ITSN2: variants seen among roughly 807,000 people sequenced by gnomAD.
ITSN2 encodes the protein intersectin 2, also known as intersectin-2.
Under a neutral mutation model 243.7 loss-of-function variants are expected in ITSN2, and 156 were observed. The observed-to-expected ratio is 0.64, with a 90% CI of 0.56 to 0.73. ITSN2 has a LOEUF of 0.73. Ranked by LOEUF, ITSN2 falls within the 30% of genes least tolerant of loss-of-function variation. The probability of loss-of-function intolerance (pLI) is 0.00; values close to 1 mark genes in which losing one functional copy is unlikely to be tolerated. For missense variants in ITSN2, 1,801 were observed against 1,996.1 expected (o/e 0.90, Z 1.86); for synonymous variants, 703 against 699.9 (o/e 1.00, Z -0.07).
intron 1 of ITSN2, among the ~76,000 whole-genome samples, chr2:24,357,354 T>C (rs1688538896): frequency 6.6e-6 from 1 of 152,288 alleles, no homozygotes. Flanking sequence ...GAAGCCATCA[T>C]CCTCAGCAAA....
At chr2:24,278,497 C>T (rs1006971182) in intron 17 of ITSN2, among the ~76,000 whole-genome samples, 2 of 152,098 alleles carry the variant, frequency 1.3e-5, no homozygotes, top group African/African-American at 2.4e-5. Flanking sequence ...CAAGTATTTC[C>T]TCTATTTGAC....
At chr2:24,350,444 C>T (rs999556437) in intron 1 of ITSN2, among the ~76,000 whole-genome samples, 6 of 152,062 alleles carry the variant, frequency 3.9e-5, no homozygotes, top group Admixed American at 2.0e-4. Context: ...ACATAGGTTA[C>T]CATGTTAAGT....
rs41281483 is a variant in ITSN2, at chr2:24,225,629, C to T, written c.3578-4563G>A. ...CTGCTGCCTGGCTCTCTGCTCCCCC[C>T]AGTCCAGCAAATGCCAAAATAGGCT... On this transcript the variant is annotated intron_variant, in intron 29 of 39. Coordinates refer to ENST00000355123, the MANE Select transcript of ITSN2 (RefSeq NM_006277.3). This position sits in a 1 kb window ranked among gnomAD's most constrained non-coding sequence, Gnocchi z 4.2. 0.026 allele frequency among the ~76,000 whole-genome samples: 3,897 copies of T among 152,234 alleles called. 91 individuals carry two copies. The highest frequency in any genetic ancestry group is 0.077 in the South Asian group (369 of 4,816).
At chr2:24,309,672 C>G (rs995685735) in intron 7 of ITSN2, among the ~76,000 whole-genome samples, 2 of 152,074 alleles carry the variant, frequency 1.3e-5, no homozygotes, top group African/African-American at 4.8e-5. Context: ...ATTTCTAATC[C>G]TCCCAACAAA....
At chr2:24,310,450 T>C in intron 6 of ITSN2, 39 bp downstream of exon 6, 2 of 1,609,178 alleles carry the variant, frequency 1.2e-6, no homozygotes, top group Non-Finnish European at 1.7e-6. Context: ...GTTTCTTTCT[T>C]TACATGAAAT....
At chr2:24,272,934 T>C (rs979850418) in intron 18 of ITSN2, among the ~76,000 whole-genome samples, 6 of 152,180 alleles carry the variant, frequency 3.9e-5, no homozygotes, top group Non-Finnish European at 8.8e-5. Flanking sequence ...CTCCTTTGCA[T>C]GTATTTTCAC....
chr2:24,293,580 G>A, intron 15 of ITSN2, 108 bp downstream of exon 15: 1 of 476,010 alleles, frequency 2.1e-6, no homozygotes, highest in Non-Finnish European at 3.8e-6. Context: ...CAGGCAAAAA[G>A]TGTTATTTAT....
At chr2:24,258,532 T>C (rs1675364645) in intron 22 of ITSN2, among the ~76,000 whole-genome samples, 2 of 152,192 alleles carry the variant, frequency 1.3e-5, no homozygotes, top group Middle Eastern at 3.2e-3. Context: ...CTTCCTCCTA[T>C]TCTATTCTAT....
chr2:24,257,976 A>G lies in ITSN2; in HGVS notation c.2800T>C (p.Trp934Arg). ...CCTCCATGCACCTCCCCAAACCACC[A>G]ATTTTCTTGCTGCTCCAAGACAGTA... ...IITVLEQQEN[W>R]WFGEVHGGRG... The change falls in exon 23 of 40, where the codon TGG (tryptophan) becomes CGG (arginine). Residue 934 changes from tryptophan (W) to arginine (R), a missense_variant. Coordinates refer to ENST00000355123, the MANE Select transcript of ITSN2 (RefSeq NM_006277.3). 1.2e-6 allele frequency: 2 copies of G among 1,614,010 alleles called. No homozygotes were observed. Among genetic ancestry groups the G allele is most frequent in the Non-Finnish European group, 1.7e-6 (2 of 1,179,982 alleles).
At chr2:24,308,891 G>A in intron 7 of ITSN2, 135 bp from the exon 8 acceptor site, 1 of 642,394 alleles carries the variant, frequency 1.6e-6, no homozygotes, top group Non-Finnish European at 2.8e-6. Context: ...TTAGGAACCG[G>A]GCTGGACAGC....
intron 32 of ITSN2, among the ~76,000 whole-genome samples, chr2:24,215,539 T>C (rs1669872364): frequency 6.6e-6 from 1 of 151,924 alleles, no homozygotes. Context: ...TGGTGGCACA[T>C]GCCTGTAATC....
chr2:24,269,851 G>C (rs1388166399), intron 20 of ITSN2, among the ~76,000 whole-genome samples: 1 of 152,200 alleles, frequency 6.6e-6, no homozygotes, highest in African/African-American at 2.4e-5. Flanking sequence ...AGGAGGAATG[G>C]TAGGAAGAGC....
intron 30 of ITSN2, chr2:24,220,546 T>C (rs1573898147): frequency 2.9e-6 from 3 of 1,026,644 alleles, no homozygotes; most frequent in South Asian, 9.0e-5. Context: ...GATACCAGTT[T>C]ATGAAAATGT....
At chr2:24,346,706 T>C (rs1300170887) in intron 1 of ITSN2, among the ~76,000 whole-genome samples, 1 of 152,158 alleles carries the variant, frequency 6.6e-6, no homozygotes, top group East Asian at 1.9e-4. Context: ...TCGCTCCATT[T>C]TTCTGTAAAT....
At chr2:24,289,818 G>C (rs972337903) in intron 15 of ITSN2, among the ~76,000 whole-genome samples, 2 of 152,148 alleles carry the variant, frequency 1.3e-5, no homozygotes, top group Non-Finnish European at 2.9e-5. Flanking sequence ...GCTATCATCA[G>C]TGTTAGTGGA....
At chr2:24,286,536 A>G (rs898884399) in intron 15 of ITSN2, among the ~76,000 whole-genome samples, 185 bp from the exon 16 acceptor site, 2 of 152,224 alleles carry the variant, frequency 1.3e-5, no homozygotes, top group Non-Finnish European at 2.9e-5. Flanking sequence ...TGCTGGAAAG[A>G]GCATCAGAGG....
At chr2:24,357,866 C>A (rs916124196) in intron 1 of ITSN2, among the ~76,000 whole-genome samples, 1 of 152,176 alleles carries the variant, frequency 6.6e-6, no homozygotes, top group African/African-American at 2.4e-5. Flanking sequence ...TATGTACTTT[C>A]ACTCATTCAC....
chr2:24,335,699 C>T (rs906141501), intron 1 of ITSN2, among the ~76,000 whole-genome samples: 1 of 151,730 alleles, frequency 6.6e-6, no homozygotes, highest in Non-Finnish European at 1.5e-5. Context: ...GAGTGCAGTG[C>T]GCCATCTTGG....
chr2:24,216,964 A>AG (rs1254646271), intron 31 of ITSN2, among the ~76,000 whole-genome samples: 16 of 151,732 alleles, frequency 1.1e-4, no homozygotes, highest in East Asian at 5.8e-4. Context: ...GGGCGCCTGT[A>AG]TCCCAGCTAC....
Sources: allele counts gnomAD v4.1 joint callset (sites outside exome capture counted in the v4.1 genomes callset), GRCh38; gene constraint gnomAD v4.1.1; non-coding constraint Gnocchi (gnomAD v3.1); transcripts MANE v1.5; gene names NCBI Gene and HGNC (gene_info 2026-07-23, HGNC 2026-07-21).